The following ARHGEF3 variants were observed in gnomAD, a reference collection of about 807,000 sequenced individuals.
The protein encoded by ARHGEF3 is 59.8 kDA protein.
In ARHGEF3, 28 loss-of-function variants were observed where a neutral mutation model predicts 63.2. The ratio of observed to expected loss-of-function variants is 0.44; its 90% CI spans 0.33 to 0.61. The LOEUF (loss-of-function observed/expected upper bound fraction) is 0.61. Ranked by LOEUF, ARHGEF3 falls within the 20% of genes least tolerant of loss-of-function variation. The pLI is 0.03. For synonymous variants in ARHGEF3, 266 were observed against 254.2 expected, an observed-to-expected ratio of 1.05 and a Z score of -0.44; for missense variants, 533 against 659.3, an observed-to-expected ratio of 0.81 and a Z score of 2.10.
At position 56,966,119 on chromosome 3, in the gene ARHGEF3, A is replaced by G. The variant is rs572090625; in HGVS notation, c.63-7230T>C. Reference sequence around the variant, plus strand: ...TATTGTTTATAGTCATATATATGTAATAAAAATGTAAAAACTCCAGATGTT... The same window carrying G: ...TATTGTTTATAGTCATATATATGTAGTAAAAATGTAAAAACTCCAGATGTT... On this transcript the variant is annotated intron_variant, in intron 2 of 12. Transcript: ENST00000338458. Among the ~76,000 whole-genome samples, 4 of 152,372 alleles carry G rather than the reference A, an allele frequency of 2.6e-5. No individual in the cohort carries two copies. The East Asian group carries it at 7.7e-4, about 29-fold the overall frequency.
chr3:56,883,813 A>T (rs2108263387), intron 3 of ARHGEF3, among the ~76,000 whole-genome samples: 1 of 152,304 alleles, frequency 6.6e-6, no homozygotes, highest in Middle Eastern at 3.4e-3. Flanking sequence ...GAGTCTGAAG[A>T]CATCTGTAGT....
At chr3:57,013,929 C>T (rs1016704059) in intron 2 of ARHGEF3, among the ~76,000 whole-genome samples, 1 of 152,198 alleles carries the variant, frequency 6.6e-6, no homozygotes, top group Non-Finnish European at 1.5e-5. Flanking sequence ...AGCGGCAACT[C>T]TTTGGGTCAA....
intron 4 of ARHGEF3, among the ~76,000 whole-genome samples, chr3:56,864,357 G>C (rs183986075): frequency 3.3e-5 from 5 of 152,152 alleles, no homozygotes; most frequent in Non-Finnish European, 5.9e-5. Context: ...TGTTCCCAAG[G>C]TCACAGCTCT....
chr3:56,727,539 C>T lies in ARHGEF3; in HGVS notation c.*1731G>A, dbSNP rs2032812773. The T allele has an allele frequency of 6.6e-6, 1 of 152,630 alleles. No individual in the cohort carries two copies. Among genetic ancestry groups the T allele is most frequent in the South Asian group, 2.1e-4 (1 of 4,824 alleles). 9.5% of individuals were successfully genotyped at this position (152,630 alleles called of 1,614,324 possible). ...TTCCCATAGGCCAACACTTGACAAACCTCTTTTCCCAACACACTGGCTGAT... is the reference window on the plus strand; with the variant it reads ...TTCCCATAGGCCAACACTTGACAAATCTCTTTTCCCAACACACTGGCTGAT... On this transcript the variant is annotated 3_prime_UTR_variant, in exon 10 of 10. Transcript: ENST00000296315.
intron 2 of ARHGEF3, among the ~76,000 whole-genome samples, chr3:56,964,950 G>A (rs1700428021): frequency 6.6e-6 from 1 of 152,204 alleles, no homozygotes; most frequent in Non-Finnish European, 1.5e-5. Context: ...ATACTGTTAT[G>A]AATAGGGTCA....
intron 3 of ARHGEF3, among the ~76,000 whole-genome samples, chr3:56,953,293 C>G (rs1216100656): frequency 6.6e-6 from 1 of 152,208 alleles, no homozygotes; most frequent in East Asian, 1.9e-4. Flanking sequence ...ATCTGACCTT[C>G]AAGAAACATT....
At chr3:56,991,252 C>A (rs1701735767) in intron 2 of ARHGEF3, among the ~76,000 whole-genome samples, 1 of 152,108 alleles carries the variant, frequency 6.6e-6, no homozygotes, top group African/African-American at 2.4e-5. Flanking sequence ...CACTCACATG[C>A]CTGAGGATCC....
Position 56,962,817 on chromosome 3 carries a change from T to C in ARHGEF3, c.63-3928A>G, listed in dbSNP as rs548646612. On this transcript the variant is annotated intron_variant, in intron 2 of 12. Coordinates refer to the ARHGEF3 transcript ENST00000338458. The stretch of plus-strand genomic sequence containing the variant: ...GTTAGGGAATGATCTCAAATTCAAG[T>C]GTATGTGTCTGGAATCAAACAGAAT... Among the ~76,000 whole-genome samples the C allele has an allele frequency of 1.8e-4, 28 of 152,188 alleles. No homozygotes were observed. In the South Asian group the frequency reaches 5.8e-3, roughly 32 times the overall value.
intron 7 of ARHGEF3, among the ~76,000 whole-genome samples, chr3:56,740,941 G>A (rs2033975814): frequency 6.6e-6 from 1 of 152,198 alleles, no homozygotes; most frequent in African/African-American, 2.4e-5. Context: ...ATCACATGAA[G>A]ATTAATGAAC....
intron 4 of ARHGEF3, among the ~76,000 whole-genome samples, chr3:56,828,231 G>A (rs894379099): frequency 6.6e-6 from 1 of 152,086 alleles, no homozygotes; most frequent in Non-Finnish European, 1.5e-5. Context: ...ATCTATGACT[G>A]GCTTTAAAAG....
At chr3:56,756,819 A>G (rs1430702517) in intron 2 of ARHGEF3, among the ~76,000 whole-genome samples, 2 of 151,958 alleles carry the variant, frequency 1.3e-5, no homozygotes, top group African/African-American at 4.8e-5. Flanking sequence ...GAAGTGCTGG[A>G]ATTACAGGCA....
rs28455551 is a variant in ARHGEF3, at chr3:56,887,647, T to C, written c.130-5293A>G. Among the ~76,000 whole-genome samples the C allele has an allele frequency of 3.3e-3, 497 of 152,320 alleles. 23 individuals carry two copies. The East Asian group carries it at 0.076, about 23-fold the overall frequency. On this transcript the variant is annotated intron_variant, in intron 3 of 12. Coordinates refer to the ARHGEF3 transcript ENST00000338458. ...GGCAGGAAGGGCACTGTGTGTGAAC[T>C]GTGCATTTGCACACTTGGTCTGACA... is the stretch of plus-strand genomic sequence containing the variant.
intron 4 of ARHGEF3, among the ~76,000 whole-genome samples, chr3:56,864,409 C>G (rs547457895): frequency 6.6e-6 from 1 of 152,360 alleles, no homozygotes; most frequent in South Asian, 2.1e-4. Context: ...TACCTTCTTT[C>G]AGCTTTCACT....
intron 2 of ARHGEF3, among the ~76,000 whole-genome samples, chr3:57,030,505 T>G (rs963559408): frequency 6.6e-6 from 1 of 152,222 alleles, no homozygotes; most frequent in Non-Finnish European, 1.5e-5. Context: ...AATGAATGAA[T>G]GAATAAATGA....
At chr3:56,967,270 T>C (rs1700541592) in intron 2 of ARHGEF3, among the ~76,000 whole-genome samples, 1 of 86,902 alleles carries the variant, frequency 1.2e-5, no homozygotes, top group Admixed American at 1.4e-4. Context: ...TACTTATATA[T>C]AATAATATTA....
intron 2 of ARHGEF3, among the ~76,000 whole-genome samples, chr3:56,968,053 A>ACATAT (rs1700676414): frequency 2.1e-5 from 1 of 47,080 alleles, no homozygotes; most frequent in African/African-American, 7.5e-5. Context: ...AATATATATA[A>ACATAT]TATATATAAT....
At chr3:56,884,112 C>A (rs2040849271) in intron 3 of ARHGEF3, among the ~76,000 whole-genome samples, 1 of 152,186 alleles carries the variant, frequency 6.6e-6, no homozygotes, top group African/African-American at 2.4e-5. Flanking sequence ...GCCAAACATC[C>A]TAGAGAAAGT....
intron 1 of ARHGEF3, among the ~76,000 whole-genome samples, chr3:57,078,178 G>C (rs1706301544): frequency 6.6e-6 from 1 of 152,144 alleles, no homozygotes; most frequent in African/African-American, 2.4e-5. Context: ...ATAGGTAAGC[G>C]AAGTAACTTG....
chr3:56,860,673 G>T (rs2040043243), intron 4 of ARHGEF3, among the ~76,000 whole-genome samples: 1 of 152,200 alleles, frequency 6.6e-6, no homozygotes, highest in Non-Finnish European at 1.5e-5. Context: ...GTAAATTTCA[G>T]TTGGAGGTTA....
Sources: allele counts gnomAD v4.1 joint callset (sites outside exome capture counted in the v4.1 genomes callset), GRCh38; gene constraint gnomAD v4.1.1; transcripts MANE v1.5; gene names NCBI Gene and HGNC (gene_info 2026-07-23, HGNC 2026-07-21).